Variants in CADM1 observed in about 807,000 individuals in gnomAD.
CADM1 encodes TSLC-1.
A neutral mutation model predicts 53.1 loss-of-function variants in CADM1; 15 were observed. That is an observed-to-expected ratio of 0.28 (90% CI 0.19 to 0.44). CADM1 has a LOEUF of 0.44. CADM1 is among the 20% of genes least tolerant of loss of function. The pLI is 1.00. For synonymous variants in CADM1, 281 were observed against 243.0 expected (o/e 1.16, Z -1.45); for missense variants, 434 against 611.3 (o/e 0.71, Z 3.06).
At chr11:115,350,925 T>TAAAA (rs11378288) in intron 1 of CADM1, among the ~76,000 whole-genome samples, 1 of 135,854 alleles carries the variant, frequency 7.4e-6, no homozygotes, top group Non-Finnish European at 1.6e-5. Flanking sequence ...TACGAGAAGT[T>TAAAA]AAAAAAAAAA....
At chr11:115,380,057 G>T (rs1946535917) in intron 1 of CADM1, among the ~76,000 whole-genome samples, 1 of 152,114 alleles carries the variant, frequency 6.6e-6, no homozygotes, top group Non-Finnish European at 1.5e-5. Flanking sequence ...AAAAGACATT[G>T]TATTCCTAGG....
chr11:115,446,144 A>C (rs1391829001), intron 1 of CADM1, among the ~76,000 whole-genome samples: 1 of 152,138 alleles, frequency 6.6e-6, no homozygotes, highest in Non-Finnish European at 1.5e-5. Flanking sequence ...TCATTTATAG[A>C]ACACCTACTA....
At chr11:115,295,026 T>C (rs1016965029) in intron 1 of CADM1, among the ~76,000 whole-genome samples, 107 of 151,878 alleles carry the variant, frequency 7.0e-4, no homozygotes, top group African/African-American at 2.5e-3. Flanking sequence ...GCAACAAGAG[T>C]GAAACTCAGT....
At chr11:115,499,657 C>G (rs935712004) in intron 1 of CADM1, among the ~76,000 whole-genome samples, 1 of 152,268 alleles carries the variant, frequency 6.6e-6, no homozygotes, top group Non-Finnish European at 1.5e-5. Flanking sequence ...TGTCCCTATC[C>G]AGGATCTGTC....
rs567162103 is a variant in CADM1, at chr11:115,224,061, C to A, written c.721+5052G>T. ...AGCTATTATGCTCTGAAGAATACAA[C>A]CTGGAAACAGAATTGATGAGGGAGA... is the stretch of plus-strand genomic sequence containing the variant. On this transcript the variant is annotated intron_variant, in intron 5 of 11. Coordinates refer to ENST00000331581, the MANE Select transcript of CADM1 (RefSeq NM_001301043.2). Among the ~76,000 whole-genome samples the A allele has an allele frequency of 2.0e-5, 3 of 150,452 alleles. No homozygotes were observed. The South Asian group carries it at 6.3e-4, about 32-fold the overall frequency.
intron 10 of CADM1, among the ~76,000 whole-genome samples, chr11:115,186,041 A>C (rs1426031192): frequency 1.3e-5 from 2 of 152,204 alleles, no homozygotes; most frequent in Non-Finnish European, 2.9e-5. Flanking sequence ...CCCACGGTGG[A>C]AACAGGAGCA....
At chr11:115,376,051 T>C (rs1483577702) in intron 1 of CADM1, among the ~76,000 whole-genome samples, 1 of 152,146 alleles carries the variant, frequency 6.6e-6, no homozygotes, top group African/African-American at 2.4e-5. Context: ...TGTAATTTAT[T>C]TTGAAAAAAC....
chr11:115,230,040 T>A (rs1941759594), intron 4 of CADM1, among the ~76,000 whole-genome samples: 1 of 152,176 alleles, frequency 6.6e-6, no homozygotes, highest in Non-Finnish European at 1.5e-5. Context: ...GGCACACCAT[T>A]AACTTTCTTT....
At chr11:115,267,169 G>A (rs1181677683) in intron 1 of CADM1, among the ~76,000 whole-genome samples, 1 of 152,222 alleles carries the variant, frequency 6.6e-6, no homozygotes, top group Non-Finnish European at 1.5e-5. Context: ...AAACAAGAAA[G>A]TTCAAAGCAA....
rs551343330 is a variant in CADM1 at position 115,484,864 on chromosome 11, G to A, written c.124+19407C>T. 2.8e-3 allele frequency among the ~76,000 whole-genome samples: 418 copies of A among 151,646 alleles called. 6 individuals are homozygous for A. Among genetic ancestry groups the A allele is most frequent in the Non-Finnish European group, 2.7e-3 (182 of 67,896 alleles). ...CAGGAGGCTGAGGCAGGAGAATGGC[G>A]TGGAACCGGGAGGCAGAGCTTGCAG... On this transcript the variant is annotated intron_variant, in intron 1 of 11. Coordinates refer to ENST00000331581, the MANE Select transcript of CADM1 (RefSeq NM_001301043.2).
chr11:115,267,531 A>T (rs1943175972), intron 1 of CADM1, among the ~76,000 whole-genome samples: 1 of 152,194 alleles, frequency 6.6e-6, no homozygotes, highest in African/African-American at 2.4e-5. Flanking sequence ...TGTGGGAGAT[A>T]AATCAAACAA....
intron 1 of CADM1, among the ~76,000 whole-genome samples, chr11:115,242,891 T>C (rs1415472669): frequency 6.6e-6 from 1 of 152,182 alleles, no homozygotes; most frequent in African/African-American, 2.4e-5. Context: ...CCTGTGGAAA[T>C]AACTGTATGC....
At chr11:115,428,407 G>A (rs1947953083) in intron 1 of CADM1, among the ~76,000 whole-genome samples, 1 of 152,014 alleles carries the variant, frequency 6.6e-6, no homozygotes, top group Admixed American at 6.6e-5. Context: ...ATATATAAAT[G>A]GGACTCATTT....
At chr11:115,426,508 C>T (rs1365475297) in intron 1 of CADM1, among the ~76,000 whole-genome samples, 1 of 152,086 alleles carries the variant, frequency 6.6e-6, no homozygotes, top group Non-Finnish European at 1.5e-5. Flanking sequence ...TATTTTTACC[C>T]CTGTGCTCTG....
chr11:115,372,561 G>A (rs1946334923), intron 1 of CADM1, among the ~76,000 whole-genome samples: 1 of 152,004 alleles, frequency 6.6e-6, no homozygotes. Context: ...GTGAAAGTTT[G>A]CAAATTTAAC....
chr11:115,233,701 G>A (rs1432865318), intron 3 of CADM1, among the ~76,000 whole-genome samples: 1 of 151,578 alleles, frequency 6.6e-6, no homozygotes, highest in Non-Finnish European at 1.5e-5. Context: ...TCTCAACTAA[G>A]GAAGGAATGA....
At chr11:115,282,252 G>A (rs1943606638) in intron 1 of CADM1, among the ~76,000 whole-genome samples, 1 of 152,124 alleles carries the variant, frequency 6.6e-6, no homozygotes, top group South Asian at 2.1e-4. Flanking sequence ...AAGAAAATGA[G>A]TGGTTATGTA....
At chr11:115,278,718 G>C (rs1943510318) in intron 1 of CADM1, among the ~76,000 whole-genome samples, 1 of 152,186 alleles carries the variant, frequency 6.6e-6, no homozygotes, top group African/African-American at 2.4e-5. Context: ...GACCATGAAA[G>C]TAAAAAGACT....
intron 1 of CADM1, among the ~76,000 whole-genome samples, chr11:115,314,640 G>GGTA (rs1317663448): frequency 4.6e-5 from 7 of 152,110 alleles, no homozygotes; most frequent in Admixed American, 1.3e-4. Flanking sequence ...TCATGGATAT[G>GGTA]GTAGTAAACA....
Sources: gnomAD v4.1 joint callset for allele counts (sites outside exome capture counted in the v4.1 genomes callset) on GRCh38, gnomAD v4.1.1 for gene constraint, MANE v1.5 for transcripts, NCBI Gene and HGNC (gene_info 2026-07-23, HGNC 2026-07-21) for gene names.